CALN1: variants seen among roughly 807,000 people sequenced by gnomAD.
CALN1 encodes calneuron 1, also known as calcium-binding protein 8.
CALN1 carries 17 observed loss-of-function variants against 30.6 expected under a neutral mutation model. That is an observed-to-expected ratio of 0.56 (90% CI 0.38 to 0.83). The LOEUF is 0.83. Among genes scored for constraint, CALN1 ranks in the 40% least tolerant of loss-of-function variants. CALN1 has a pLI of 0.00. For missense variants in CALN1, 291 were observed against 354.9 expected, an observed-to-expected ratio of 0.82 and a Z score of 1.45; for synonymous variants, 156 against 131.4, an observed-to-expected ratio of 1.19 and a Z score of -1.28.
intron 5 of CALN1, among the ~76,000 whole-genome samples, chr7:71,979,661 C>T (rs1257310630): frequency 2.0e-5 from 3 of 151,860 alleles, no homozygotes; most frequent in East Asian, 1.9e-4. Flanking sequence ...TACTGCTCCA[C>T]GGCCGGGGGG....
intron 5 of CALN1, among the ~76,000 whole-genome samples, chr7:72,010,595 T>C (rs952854279): frequency 4.7e-5 from 7 of 150,290 alleles, no homozygotes; most frequent in African/African-American, 1.7e-4. Context: ...GCGAATCACC[T>C]GCATTCAGGA....
At chr7:72,117,105 G>A (rs1271126350) in intron 3 of CALN1, among the ~76,000 whole-genome samples, 2 of 152,032 alleles carry the variant, frequency 1.3e-5, no homozygotes, top group Non-Finnish European at 2.9e-5. Context: ...TTGAGACCAG[G>A]AATTCAAGAC....
chr7:72,282,332 G>A lies in CALN1; in HGVS notation c.120-3522C>T, dbSNP rs541185682. 1.6e-4 allele frequency among the ~76,000 whole-genome samples: 24 copies of A among 152,282 alleles called. No homozygotes were observed. The South Asian group carries it at 3.9e-3, about 25-fold the overall frequency. ...TTCACTCACTGTGAAATATTTAAGCGACTGTCATGAAAACAATCTTTCTGT... is the reference window on the plus strand; with the variant it reads ...TTCACTCACTGTGAAATATTTAAGCAACTGTCATGAAAACAATCTTTCTGT... On this transcript the variant is annotated intron_variant, in intron 2 of 6. Transcript: ENST00000395275.
intron 5 of CALN1, among the ~76,000 whole-genome samples, chr7:71,814,800 A>C (rs1322427453): frequency 6.6e-6 from 1 of 152,026 alleles, no homozygotes; most frequent in Non-Finnish European, 1.5e-5. Flanking sequence ...TGCAGTGTAC[A>C]ATACATATAA....
At chr7:71,882,233 T>C (rs1344229844) in intron 5 of CALN1, among the ~76,000 whole-genome samples, 1 of 152,174 alleles carries the variant, frequency 6.6e-6, no homozygotes, top group Non-Finnish European at 1.5e-5. Context: ...AAGCCAGCAG[T>C]GTTGCATCTC....
At position 71,784,217 on chromosome 7, in the gene CALN1, G is replaced by A. The variant is rs1022594591; in HGVS notation, c.*3558C>T. On this transcript the variant is annotated 3_prime_UTR_variant, in exon 7 of 7. Coordinates refer to ENST00000395275, the MANE Select transcript of CALN1 (RefSeq NM_031468.4). ...GCTTACAGGTAGCTCCTGCTCTCCT[G>A]AGTAAATAGAAGGACAAGTTCAAAT... 1 of 152,170 alleles carries A rather than the reference G, an allele frequency of 6.6e-6. No individual in the cohort carries two copies. Among genetic ancestry groups the A allele is most frequent in the Non-Finnish European group, 1.5e-5 (1 of 68,058 alleles). The allele number at this position is 152,170 out of a possible 1,614,324, so 9.4% of individuals were successfully genotyped here.
At chr7:71,852,419 T>A (rs1790699229) in intron 5 of CALN1, among the ~76,000 whole-genome samples, 1 of 150,616 alleles carries the variant, frequency 6.6e-6, no homozygotes, top group South Asian at 2.1e-4. Flanking sequence ...GGAAGACAGA[T>A]TGAGCTCAAG....
At chr7:71,822,231 C>T in intron 5 of CALN1, among the ~76,000 whole-genome samples, 1 of 151,910 alleles carries the variant, frequency 6.6e-6, no homozygotes, top group Non-Finnish European at 1.5e-5. Flanking sequence ...TTTGGCTGTA[C>T]TGTTGTTATT....
At chr7:72,383,469 GTTTTGA>G (rs1805032614) in intron 2 of CALN1, among the ~76,000 whole-genome samples, 1 of 152,062 alleles carries the variant, frequency 6.6e-6, no homozygotes, top group African/African-American at 2.4e-5. Context: ...TCTCATTATG[GTTTTGA>G]TTTGCCTCTC....
chr7:71,985,205 T>C (rs780667961), intron 5 of CALN1, among the ~76,000 whole-genome samples: 6 of 152,080 alleles, frequency 3.9e-5, no homozygotes, highest in Non-Finnish European at 7.4e-5. Context: ...CTCTCTGAAG[T>C]GAAAAGCAGA....
At chr7:71,838,555 T>G (rs1330374118) in intron 5 of CALN1, among the ~76,000 whole-genome samples, 1 of 152,174 alleles carries the variant, frequency 6.6e-6, no homozygotes, top group Non-Finnish European at 1.5e-5. Flanking sequence ...GCCTCCTGAG[T>G]AGCTGGGGCT....
intron 5 of CALN1, 54 bp from the exon 6 acceptor site, chr7:71,810,546 G>C: frequency 5.7e-6 from 9 of 1,582,494 alleles, no homozygotes; most frequent in Non-Finnish European, 6.9e-6. Context: ...ATGGGAAGTT[G>C]GCTCGGGCCA....
chr7:72,077,809 A>C (rs1484178346), intron 4 of CALN1, among the ~76,000 whole-genome samples: 1 of 152,202 alleles, frequency 6.6e-6, no homozygotes, highest in Non-Finnish European at 1.5e-5. Flanking sequence ...TCAGCAAACC[A>C]AAGCCATCAC....
chr7:71,891,341 T>C (rs1486872673), intron 5 of CALN1, among the ~76,000 whole-genome samples: 1 of 152,222 alleles, frequency 6.6e-6, no homozygotes, highest in Non-Finnish European at 1.5e-5. Context: ...CAATTGCTTT[T>C]CAGAAGGCTC....
At chr7:72,308,605 A>G (rs140122577) in intron 2 of CALN1, among the ~76,000 whole-genome samples, 279 of 152,302 alleles carry the variant, frequency 1.8e-3, no homozygotes, top group Non-Finnish European at 2.9e-3. Context: ...AACATTGCAG[A>G]TGACATAAAA....
chr7:71,957,624 T>C (rs1056694502), intron 5 of CALN1, among the ~76,000 whole-genome samples: 1 of 152,180 alleles, frequency 6.6e-6, no homozygotes, highest in African/African-American at 2.4e-5. Flanking sequence ...TTAATGCAAT[T>C]TTCCGGTGAG....
intron 3 of CALN1, among the ~76,000 whole-genome samples, chr7:72,196,484 G>A (rs1161501901): frequency 1.4e-5 from 2 of 139,872 alleles, no homozygotes; most frequent in African/African-American, 2.8e-5. Flanking sequence ...ACACAGCTAC[G>A]GGATTGTACA....
intron 3 of CALN1, among the ~76,000 whole-genome samples, chr7:72,141,719 T>G (rs1217651196): frequency 6.6e-6 from 1 of 151,722 alleles, no homozygotes; most frequent in Non-Finnish European, 1.5e-5. Context: ...CAGGCATGCA[T>G]CACCATGCCT....
chr7:72,372,228 A>G (rs1180991951), intron 2 of CALN1, among the ~76,000 whole-genome samples: 4 of 152,168 alleles, frequency 2.6e-5, no homozygotes, highest in Non-Finnish European at 5.9e-5. Context: ...AGAAGCAGTC[A>G]TGGTGGTGGG....
Sources: gnomAD v4.1 joint callset for allele counts (sites outside exome capture counted in the v4.1 genomes callset) on GRCh38, gnomAD v4.1.1 for gene constraint, MANE v1.5 for transcripts, NCBI Gene and HGNC (gene_info 2026-07-23, HGNC 2026-07-21) for gene names.